RIGI: variants seen among roughly 807,000 people sequenced by gnomAD.
The protein encoded by RIGI is antiviral innate immune response receptor RIG-I.
the RIGI span, among the ~76,000 whole-genome samples, chr9:32,508,910 T>C: frequency 6.6e-6 from 1 of 152,112 alleles, no homozygotes; most frequent in African/African-American, 2.4e-5. Flanking sequence ...TCAAGCTTGG[T>C]TGGGGGAGGG....
At chr9:32,491,241 G>T in the RIGI span, 1 of 1,579,478 alleles carries the variant, frequency 6.3e-7, no homozygotes. Context: ...TGCAAAACAA[G>T]CCCCCACACC....
the RIGI span, among the ~76,000 whole-genome samples, chr9:32,468,897 A>G: frequency 5.3e-5 from 8 of 152,136 alleles, no homozygotes; most frequent in Non-Finnish European, 1.2e-4. Flanking sequence ...CTGCTCACCA[A>G]TCTTGTTTCT....
chr9:32,480,401 A>G, the RIGI span: 1 of 1,506,160 alleles, frequency 6.6e-7, no homozygotes, highest in Non-Finnish European at 9.0e-7. Context: ...TGTCTAACAC[A>G]TTCACTGTAT....
the RIGI span, among the ~76,000 whole-genome samples, chr9:32,506,902 T>C: frequency 1.3e-5 from 2 of 152,258 alleles, no homozygotes; most frequent in African/African-American, 4.8e-5. Flanking sequence ...ATTTAGGCTA[T>C]AAATTCTGAT....
At chr9:32,516,422 A>ATTT in the RIGI span, among the ~76,000 whole-genome samples, 1 of 152,094 alleles carries the variant, frequency 6.6e-6, no homozygotes, top group East Asian at 1.9e-4. Context: ...TCAGTAACAG[A>ATTT]TTTTTGTGGC....
the RIGI span, among the ~76,000 whole-genome samples, chr9:32,472,170 A>G: frequency 6.6e-6 from 1 of 152,178 alleles, no homozygotes; most frequent in Non-Finnish European, 1.5e-5. Context: ...AATACATAAT[A>G]TACACAAAAG....
chr9:32,513,932 C>G, the RIGI span, among the ~76,000 whole-genome samples: 1 of 152,172 alleles, frequency 6.6e-6, no homozygotes. Flanking sequence ...GCAGACATTT[C>G]TCAAATGAAG....
the RIGI span, among the ~76,000 whole-genome samples, chr9:32,496,570 C>G: frequency 6.6e-6 from 1 of 152,218 alleles, no homozygotes; most frequent in South Asian, 2.1e-4. Flanking sequence ...ATTACACCAA[C>G]TGCTCTTCTG....
At chr9:32,513,738 T>A in the RIGI span, among the ~76,000 whole-genome samples, 2 of 152,212 alleles carry the variant, frequency 1.3e-5, no homozygotes, top group Middle Eastern at 6.8e-3. Flanking sequence ...AGAATCTAAT[T>A]AAACTAAAGA....
chr9:32,478,693 G>A, the RIGI span, among the ~76,000 whole-genome samples: 1 of 151,886 alleles, frequency 6.6e-6, no homozygotes, highest in Admixed American at 6.6e-5. Flanking sequence ...CCAAGGAGCT[G>A]GGACCACAGG....
chr9:32,480,876 T>C, the RIGI span, among the ~76,000 whole-genome samples: 2 of 152,228 alleles, frequency 1.3e-5, no homozygotes, highest in African/African-American at 4.8e-5. Flanking sequence ...GCAGAGGTGA[T>C]AGCTGTCACT....
the RIGI span, among the ~76,000 whole-genome samples, chr9:32,463,479 A>C: frequency 6.6e-6 from 1 of 152,278 alleles, no homozygotes; most frequent in East Asian, 1.9e-4. Context: ...TCAGGCATCC[A>C]ACTTTTTAAA....
At chr9:32,491,656 T>G in the RIGI span, among the ~76,000 whole-genome samples, 1 of 150,998 alleles carries the variant, frequency 6.6e-6, no homozygotes, top group Admixed American at 6.6e-5. Context: ...TGGAACGTAT[T>G]GCCCTACTGA....
the RIGI span, among the ~76,000 whole-genome samples, chr9:32,505,226 T>C: frequency 6.6e-6 from 1 of 151,502 alleles, no homozygotes; most frequent in African/African-American, 2.4e-5. Context: ...ACCCAAAAGG[T>C]ATGTGGACAG....
At chr9:32,459,884 A>C in the RIGI span, among the ~76,000 whole-genome samples, 10 of 152,248 alleles carry the variant, frequency 6.6e-5, no homozygotes, top group African/African-American at 2.4e-4. Context: ...TTCAGGCATA[A>C]TTATATCCAT....
chr9:32,457,196 G>C, the RIGI span: 1 of 1,613,748 alleles, frequency 6.2e-7, no homozygotes, highest in South Asian at 1.1e-5. Context: ...TACAGTGTCT[G>C]AACTCCAGTT....
At chr9:32,464,672 C>T in the RIGI span, among the ~76,000 whole-genome samples, 6 of 152,140 alleles carry the variant, frequency 3.9e-5, no homozygotes, top group Admixed American at 1.3e-4. Context: ...CCACCGCGCC[C>T]GGCCTTTACT....
At chr9:32,507,933 A>G in the RIGI span, among the ~76,000 whole-genome samples, 1 of 152,176 alleles carries the variant, frequency 6.6e-6, no homozygotes, top group Admixed American at 6.6e-5. Flanking sequence ...TTACATGGCC[A>G]TAGCTGATAT....
At chr9:32,459,612 G>A in the RIGI span, 1 of 1,156,778 alleles carries the variant, frequency 8.6e-7, no homozygotes, top group Non-Finnish European at 1.2e-6. Context: ...GCACGCACAT[G>A]TATAATCATT....
Sources: gnomAD v4.1 joint callset for allele counts (sites outside exome capture counted in the v4.1 genomes callset) on GRCh38, gnomAD v4.1.1 for gene constraint, MANE v1.5 for transcripts, NCBI Gene and HGNC (gene_info 2026-07-23, HGNC 2026-07-21) for gene names.